KIRREL3: variants seen among roughly 807,000 people sequenced by gnomAD.
The protein encoded by KIRREL3 is kin of IRRE-like protein 3.
In KIRREL3, 36 loss-of-function variants were observed where a neutral mutation model predicts 89.7. That is an observed-to-expected ratio of 0.40 (90% CI 0.31 to 0.53). The LOEUF is 0.53. Ranked by LOEUF, KIRREL3 falls within the 20% of genes least tolerant of loss-of-function variation. The pLI is 0.49. For synonymous variants in KIRREL3, 445 were observed against 441.4 expected (o/e 1.01, Z -0.10); for missense variants, 864 against 1,056.6 (o/e 0.82, Z 2.53).
At position 126,550,023 on chromosome 11, in the gene KIRREL3, C is replaced by G. The variant is rs1939132843; in HGVS notation, c.133+12812G>C. The G allele has an allele frequency of 6.6e-6, 1 of 152,218 alleles. No homozygotes were observed. Among genetic ancestry groups the G allele is most frequent in the Non-Finnish European group, 1.5e-5 (1 of 68,044 alleles). 9.4% of individuals were successfully genotyped at this position (152,218 alleles called of 1,614,324 possible). On this transcript the variant is annotated intron_variant, in intron 2 of 16. Coordinates refer to ENST00000525144, the MANE Select transcript of KIRREL3 (RefSeq NM_032531.4). The surrounding 1 kb of genome is among the most constrained non-coding windows in gnomAD (Gnocchi z 4.9). ...GATTCTCCTTCTCTGTTTCCAATAGCTACTTATTCATACCCGGTTACCGCA... is the reference window on the plus strand; with the variant it reads ...GATTCTCCTTCTCTGTTTCCAATAGGTACTTATTCATACCCGGTTACCGCA...
chr11:126,435,177 G>T, intron 13 of KIRREL3, 91 bp downstream of exon 13: 1 of 1,356,984 alleles, frequency 7.4e-7, no homozygotes, highest in Non-Finnish European at 1.0e-6. Flanking sequence ...GCCAGCACAG[G>T]CCTCCCTACC....
intron 1 of KIRREL3, among the ~76,000 whole-genome samples, chr11:126,833,866 C>T (rs1258339170): frequency 6.6e-6 from 1 of 152,142 alleles, no homozygotes; most frequent in East Asian, 1.9e-4. Context: ...TATCTGACTC[C>T]AGATTTATGA....
chr11:127,002,689 C>T (rs1033364875), upstream of KIRREL3, among the ~76,000 whole-genome samples: 5 of 152,190 alleles, frequency 3.3e-5, no homozygotes, highest in African/African-American at 1.2e-4. Context: ...TACTAGAATG[C>T]AGATTCTCTA....
At position 126,729,029 on chromosome 11, in the gene KIRREL3, C is replaced by G. The variant is rs766554721; in HGVS notation, c.56-166117G>C. On this transcript the variant is annotated intron_variant, in intron 1 of 16. Coordinates refer to ENST00000525144, the MANE Select transcript of KIRREL3 (RefSeq NM_032531.4). The surrounding 1 kb of genome is among the most constrained non-coding windows in gnomAD (Gnocchi z 4.5). Reference sequence around the variant, plus strand: ...GGAGGAGGCTTTTGGGGCAGGCATGCCTGTTGCAGGCTTGGAGTGGGCCCT... The same window carrying G: ...GGAGGAGGCTTTTGGGGCAGGCATGGCTGTTGCAGGCTTGGAGTGGGCCCT... 6.6e-6 allele frequency among the ~76,000 whole-genome samples: 1 copy of G among 152,214 alleles called. No individual in the cohort carries two copies. The highest frequency in any genetic ancestry group is 1.5e-5 in the Non-Finnish European group (1 of 68,044).
At chr11:126,961,442 C>G (rs1275146470) in intron 1 of KIRREL3, among the ~76,000 whole-genome samples, 1 of 152,186 alleles carries the variant, frequency 6.6e-6, no homozygotes, top group African/African-American at 2.4e-5. Context: ...AAGATGAAAT[C>G]AACCACAACA....
At chr11:126,638,344 A>G (rs1270193007) in intron 1 of KIRREL3, among the ~76,000 whole-genome samples, 1 of 152,232 alleles carries the variant, frequency 6.6e-6, no homozygotes. Context: ...CTGTTGTTGG[A>G]AAAACGTACT....
At chr11:126,818,721 T>C (rs568315977) in intron 1 of KIRREL3, among the ~76,000 whole-genome samples, 40 of 152,218 alleles carry the variant, frequency 2.6e-4, no homozygotes, top group African/African-American at 9.4e-4. Flanking sequence ...CACATCCTTA[T>C]TGATTGACAG....
intron 1 of KIRREL3, among the ~76,000 whole-genome samples, chr11:126,698,049 G>T (rs988096823): frequency 3.9e-5 from 6 of 152,250 alleles, no homozygotes; most frequent in African/African-American, 1.4e-4. Flanking sequence ...GCACAGCTGA[G>T]GAGGAAATAG....
chr11:126,961,839 A>G (rs1003523833), intron 1 of KIRREL3, among the ~76,000 whole-genome samples: 2 of 152,270 alleles, frequency 1.3e-5, no homozygotes, highest in African/African-American at 4.8e-5. Flanking sequence ...ATGGACTAAC[A>G]TAACTGGTGA....
Position 126,754,361 on chromosome 11 carries a change from C to T in KIRREL3, c.56-191449G>A, listed in dbSNP as rs957198470. Among the ~76,000 whole-genome samples, 1 of 152,156 alleles carries T rather than the reference C, an allele frequency of 6.6e-6. No individual in the cohort carries two copies. On this transcript the variant is annotated intron_variant, in intron 1 of 16. Transcript: ENST00000525144. This position sits in a 1 kb window ranked among gnomAD's most constrained non-coding sequence, Gnocchi z 5.1. ...ACTGCTGAAACAGCATTCCTCAGAACGTACCTCTCTAACTTTACACTCTCT... is the reference window on the plus strand; with the variant it reads ...ACTGCTGAAACAGCATTCCTCAGAATGTACCTCTCTAACTTTACACTCTCT...
rs549841695 is a variant in KIRREL3 at position 126,714,346 on chromosome 11, T to A, written c.56-151434A>T. 1.1e-3 allele frequency among the ~76,000 whole-genome samples: 160 copies of A among 152,340 alleles called. 2 individuals carry two copies. The South Asian group carries it at 0.024, about 23-fold the overall frequency. On this transcript the variant is annotated intron_variant, in intron 1 of 16. Coordinates refer to ENST00000525144, the MANE Select transcript of KIRREL3 (RefSeq NM_032531.4). ...TTAGAGCAGCATAAAGAGGGGAGCG[T>A]GTGGCCCAGGCCGAGCCCTGATACT...
rs1592169501 is a variant in KIRREL3, at chr11:126,817,360, T to A, written c.55+183095A>T. Among the ~76,000 whole-genome samples the A allele has an allele frequency of 6.6e-6, 1 of 152,132 alleles. No homozygotes were observed. The highest frequency in any genetic ancestry group is 2.4e-5 in the African/African-American group (1 of 41,428). ...AAATGGTGGTGATGATGACAGCCAG[T>A]CAACAGAAGCTGATGGTGACTTAGC... On this transcript the variant is annotated intron_variant, in intron 1 of 16. Coordinates refer to ENST00000525144, the MANE Select transcript of KIRREL3 (RefSeq NM_032531.4). This position sits in a 1 kb window ranked among gnomAD's most constrained non-coding sequence, Gnocchi z 5.7.
chr11:126,827,576 C>T (rs367910285), intron 1 of KIRREL3, among the ~76,000 whole-genome samples: 3 of 152,130 alleles, frequency 2.0e-5, no homozygotes, highest in African/African-American at 4.8e-5. Flanking sequence ...AATGCACTTT[C>T]GAGGATATTC....
chr11:127,003,343 T>C (rs994337221), upstream of KIRREL3: 4 of 151,950 alleles, frequency 2.6e-5, no homozygotes, highest in Non-Finnish European at 4.4e-5. Flanking sequence ...CCTCACCTCC[T>C]CCGGGGGCTC....
At chr11:126,758,624 C>T (rs1188071839) in intron 1 of KIRREL3, among the ~76,000 whole-genome samples, 3 of 152,208 alleles carry the variant, frequency 2.0e-5, no homozygotes, top group Admixed American at 6.5e-5. Context: ...TGGGAAACAC[C>T]GCACAAATTG....
At chr11:126,514,142 G>A (rs1305703548) in intron 4 of KIRREL3, among the ~76,000 whole-genome samples, 3 of 152,110 alleles carry the variant, frequency 2.0e-5, no homozygotes, top group Admixed American at 6.5e-5. Context: ...TGTAGGGGGA[G>A]CGAGATGTAC....
intron 1 of KIRREL3, among the ~76,000 whole-genome samples, chr11:126,602,713 A>G (rs1183526463): frequency 6.6e-6 from 1 of 152,168 alleles, no homozygotes; most frequent in Non-Finnish European, 1.5e-5. Context: ...CAGGCTTCCA[A>G]TTTATGATAC....
At chr11:126,660,353 A>C (rs1945339138) in intron 1 of KIRREL3, among the ~76,000 whole-genome samples, 1 of 152,230 alleles carries the variant, frequency 6.6e-6, no homozygotes, top group African/African-American at 2.4e-5. Flanking sequence ...TAAGACACAG[A>C]CAATCCATGG....
rs1246267172 is a variant in KIRREL3 at position 126,764,112 on chromosome 11, A to G, written c.56-201200T>C. 1.3e-5 allele frequency among the ~76,000 whole-genome samples: 2 copies of G among 152,206 alleles called. No individual in the cohort carries two copies. The highest frequency in any genetic ancestry group is 1.3e-4 in the Admixed American group (2 of 15,284). ...TTATGCATGCCATTTGAGTTTTAAA[A>G]GACATTCAGATCAGAATGAATGAAA... On this transcript the variant is annotated intron_variant, in intron 1 of 16. Transcript: ENST00000525144. This position sits in a 1 kb window ranked among gnomAD's most constrained non-coding sequence, Gnocchi z 4.2.
Sources: gnomAD v4.1 joint callset for allele counts (sites outside exome capture counted in the v4.1 genomes callset) on GRCh38, gnomAD v4.1.1 for gene constraint, Gnocchi (gnomAD v3.1) non-coding constraint, MANE v1.5 for transcripts, NCBI Gene and HGNC (gene_info 2026-07-23, HGNC 2026-07-21) for gene names.